The following PEX5L variants were observed in gnomAD, a reference collection of about 807,000 sequenced individuals.
PEX5L encodes the protein PEX5-related protein.
Under a neutral mutation model 84.0 loss-of-function variants are expected in PEX5L, and 30 were observed. The ratio of observed to expected loss-of-function variants is 0.36; its 90% CI spans 0.27 to 0.48. The LOEUF (loss-of-function observed/expected upper bound fraction) is 0.48, where lower values mean the gene tolerates loss of function less well. Among genes scored for constraint, PEX5L ranks in the 20% least tolerant of loss-of-function variants. The pLI, the probability that PEX5L is intolerant of heterozygous loss-of-function variation, is 0.99. For synonymous variants in PEX5L, 270 were observed against 283.1 expected, an observed-to-expected ratio of 0.95 and a Z score of 0.46; for missense variants, 533 against 754.6, an observed-to-expected ratio of 0.71 and a Z score of 3.44.
At chr3:179,975,880 G>A (rs1332925888) in intron 1 of PEX5L, among the ~76,000 whole-genome samples, 1 of 152,186 alleles carries the variant, frequency 6.6e-6, no homozygotes, top group Non-Finnish European at 1.5e-5. Flanking sequence ...GGTTGAAAAA[G>A]AAGAAAATGT....
intron 7 of PEX5L, among the ~76,000 whole-genome samples, chr3:179,873,506 C>G (rs1338388085): frequency 6.6e-6 from 1 of 152,026 alleles, no homozygotes; most frequent in Non-Finnish European, 1.5e-5. Flanking sequence ...TAAAAGCGTT[C>G]AAGGGAATGA....
chr3:179,887,796 T>C lies in PEX5L; in HGVS notation c.199-12A>G, dbSNP rs1401701316. 1.3e-6 allele frequency: 2 copies of C among 1,562,772 alleles called. No homozygotes were observed. Among genetic ancestry groups the C allele is most frequent in the South Asian group, 2.2e-5 (2 of 89,744 alleles). ...TGCTCATTCACCAGCTGAGAACAAA[T>C]GAACAGAGGTGTCAAAGGGCTTTGT... is the stretch of plus-strand genomic sequence containing the variant. On this transcript the variant is annotated splice_polypyrimidine_tract_variant and intron_variant, in intron 3 of 14. Coordinates refer to ENST00000467460, the MANE Select transcript of PEX5L (RefSeq NM_016559.3).
chr3:179,879,394 G>A (rs984298552), intron 5 of PEX5L, among the ~76,000 whole-genome samples: 1 of 152,126 alleles, frequency 6.6e-6, no homozygotes, highest in Non-Finnish European at 1.5e-5. Flanking sequence ...TTGAAACTTG[G>A]TTCCTCAGAT....
At chr3:179,965,894 C>T (rs542258393) in intron 2 of PEX5L, among the ~76,000 whole-genome samples, 1 of 152,264 alleles carries the variant, frequency 6.6e-6, no homozygotes, top group Admixed American at 6.5e-5. Flanking sequence ...TATGCTTTCA[C>T]TCTAGTAACT....
chr3:179,869,877 T>A (rs114895687), intron 7 of PEX5L, among the ~76,000 whole-genome samples: 49 of 152,364 alleles, frequency 3.2e-4, no homozygotes, highest in African/African-American at 1.2e-3. Flanking sequence ...GCTTTTGTTA[T>A]ATATAGATAT....
chr3:179,808,423 C>T lies in PEX5L; in HGVS notation c.1367G>A (p.Gly456Glu). ...AGCTTCCAGATATAATTCCTTCACC[C>T]CTTCCAGAACAGAGCTACAAGAGAA... ...KSPVDSSVLE[G>E]VKELYLEAAH... Residue 456 changes from glycine (G) to glutamate (E), a missense_variant, in exon 13 of 15, where the codon GGG becomes GAG. Physicochemically the swap from Gly to Glu is moderately conservative, Grantham distance 98 (BLOSUM62 -2). Around this residue, in one of 8 missense-constraint regions of PEX5L, gnomAD observed 63 missense variants for 60.2 expected, o/e 1.05. Transcript: ENST00000467460. 3 of 1,525,532 alleles carry T rather than the reference C, an allele frequency of 2.0e-6. No homozygotes were observed. The highest frequency in any genetic ancestry group is 2.6e-6 in the Non-Finnish European group (3 of 1,139,204). The allele number at this position is 1,525,532 out of a possible 1,614,324, so 94.5% of individuals were successfully genotyped here. A position where few individuals can be genotyped will look rare whatever the true frequency, so the allele number is the denominator to read the frequency against.
chr3:179,888,768 G>T (rs1231383058), intron 3 of PEX5L, among the ~76,000 whole-genome samples: 4 of 148,394 alleles, frequency 2.7e-5, no homozygotes, highest in African/African-American at 1.0e-4. Flanking sequence ...GTTTTGTTTT[G>T]TTTTTTGTTT....
intron 2 of PEX5L, among the ~76,000 whole-genome samples, chr3:179,917,744 C>A (rs531682465): frequency 9.2e-5 from 14 of 152,254 alleles, no homozygotes; most frequent in African/African-American, 3.4e-4. Flanking sequence ...ACCGCAACAT[C>A]CGCCTCCTGG....
At chr3:179,820,087 C>T in intron 8 of PEX5L, 111 bp from the exon 9 acceptor site, 2 of 1,490,116 alleles carry the variant, frequency 1.3e-6, no homozygotes, top group Non-Finnish European at 1.8e-6. Flanking sequence ...AATAAAATGG[C>T]TGATGACATC....
intron 2 of PEX5L, among the ~76,000 whole-genome samples, chr3:179,899,505 C>A (rs1005700560): frequency 2.0e-5 from 3 of 152,008 alleles, no homozygotes; most frequent in Admixed American, 2.0e-4. Flanking sequence ...AAAGCTTGAT[C>A]GTTTCCATGC....
chr3:180,002,964 T>G (rs73180024), intron 1 of PEX5L, among the ~76,000 whole-genome samples: 12,032 of 152,202 alleles, frequency 0.079, 673 homozygotes, highest in Non-Finnish European at 0.12. Context: ...GAGCGTATTT[T>G]ATCTTCACAT....
At chr3:179,840,764 G>T (rs1736937081) in intron 8 of PEX5L, among the ~76,000 whole-genome samples, 1 of 152,118 alleles carries the variant, frequency 6.6e-6, no homozygotes, top group Non-Finnish European at 1.5e-5. Context: ...AAAAGGCAGG[G>T]CATCATCCGG....
At chr3:179,902,947 G>T (rs1262734342) in intron 2 of PEX5L, among the ~76,000 whole-genome samples, 1 of 151,968 alleles carries the variant, frequency 6.6e-6, no homozygotes, top group East Asian at 1.9e-4. Flanking sequence ...TTTCAAAATA[G>T]CCCTCCTTTT....
chr3:179,820,832 A>G (rs1018997472), intron 8 of PEX5L, among the ~76,000 whole-genome samples: 2 of 152,220 alleles, frequency 1.3e-5, no homozygotes, highest in Admixed American at 1.3e-4. Flanking sequence ...AGGAGGAAGA[A>G]GCAAACATCT....
chr3:179,963,952 CT>C (rs904664110), intron 2 of PEX5L, among the ~76,000 whole-genome samples: 12 of 149,204 alleles, frequency 8.0e-5, no homozygotes, highest in South Asian at 4.3e-4. Context: ...CCAAGGACAT[CT>C]TTTTTTTTTA....
chr3:179,973,476 T>C (rs899724909), intron 1 of PEX5L: 14 of 968,654 alleles, frequency 1.4e-5, no homozygotes, highest in Non-Finnish European at 1.6e-5. Context: ...TGCACTTCTA[T>C]GCTCTTTGAC....
At chr3:179,903,616 A>G (rs541276782) in intron 2 of PEX5L, among the ~76,000 whole-genome samples, 27 of 152,152 alleles carry the variant, frequency 1.8e-4, no homozygotes, top group Non-Finnish European at 3.8e-4. Flanking sequence ...CTAATTTTTG[A>G]TGGTTGCTCT....
intron 8 of PEX5L, among the ~76,000 whole-genome samples, chr3:179,856,332 A>T (rs764585678): frequency 6.6e-6 from 1 of 152,210 alleles, no homozygotes; most frequent in Non-Finnish European, 1.5e-5. Context: ...TATTTCAATT[A>T]TTGCTAGACA....
intron 1 of PEX5L, among the ~76,000 whole-genome samples, chr3:180,010,460 A>G (rs1454078958): frequency 2.0e-5 from 3 of 151,834 alleles, no homozygotes; most frequent in Admixed American, 6.6e-5. Context: ...CAGTCCCCCA[A>G]AATAAAGAAT....
Sources: allele counts gnomAD v4.1 joint callset (sites outside exome capture counted in the v4.1 genomes callset), GRCh38; gene constraint gnomAD v4.1.1; regional missense constraint gnomAD v4.1.1; transcripts MANE v1.5; gene names NCBI Gene and HGNC (gene_info 2026-07-23, HGNC 2026-07-21).